The following CACNA1D variants were observed in gnomAD, a reference collection of about 807,000 sequenced individuals.
CACNA1D encodes the protein voltage-dependent L-type calcium channel subunit alpha-1D.
A neutral mutation model predicts 257.1 loss-of-function variants in CACNA1D; 55 were observed. The ratio of observed to expected loss-of-function variants is 0.21; its 90% CI spans 0.17 to 0.27. CACNA1D has a LOEUF of 0.27. Among genes scored for constraint, CACNA1D ranks in the 10% least tolerant of loss-of-function variants. CACNA1D has a pLI of 1.00. For synonymous variants in CACNA1D, 980 were observed against 1,014.9 expected (o/e 0.97, Z 0.65); for missense variants, 1,876 against 2,784.0 (o/e 0.67, Z 7.34).
At chr3:53,801,652 T>A (rs1189712010) in intron 42 of CACNA1D, among the ~76,000 whole-genome samples, 3 of 152,134 alleles carry the variant, frequency 2.0e-5, no homozygotes. Context: ...ACATCCTGTG[T>A]GGGGTGCCGA....
chr3:53,751,944 C>T lies in CACNA1D; in HGVS notation c.3675+37C>T. The T allele has an allele frequency of 3.1e-6, 5 of 1,602,330 alleles. No homozygotes were observed. Among genetic ancestry groups the T allele is most frequent in the Non-Finnish European group, 4.3e-6 (5 of 1,169,450 alleles). Reference sequence around the variant, plus strand: ...GACAGCCGTGGGGATCAGGTCCGGGCATTCCGCACAGCCCCGTGCCCCAAA... The same window carrying T: ...GACAGCCGTGGGGATCAGGTCCGGGTATTCCGCACAGCCCCGTGCCCCAAA... On this transcript the variant is annotated intron_variant, in intron 28 of 47. Transcript: ENST00000350061. The surrounding 1 kb of genome is among the most constrained non-coding windows in gnomAD (Gnocchi z 4.3).
chr3:53,626,271 G>T (rs188427089), intron 3 of CACNA1D, among the ~76,000 whole-genome samples: 1 of 152,296 alleles, frequency 6.6e-6, no homozygotes, highest in Admixed American at 6.5e-5. Flanking sequence ...AGAAAAGCCT[G>T]CTCTAAAGTC....
chr3:53,556,441 T>C (rs552589007), intron 3 of CACNA1D, among the ~76,000 whole-genome samples: 13 of 152,350 alleles, frequency 8.5e-5, no homozygotes, highest in Admixed American at 7.8e-4. Context: ...TTAGCTTCTG[T>C]AATAGGTGCG....
intron 3 of CACNA1D, among the ~76,000 whole-genome samples, chr3:53,571,898 T>G (rs564956145): frequency 6.6e-6 from 1 of 152,106 alleles, no homozygotes; most frequent in Non-Finnish European, 1.5e-5. Context: ...GCTTGACAAA[T>G]CCTCTCTAAA....
intron 16 of CACNA1D, 85 bp from the exon 17 acceptor site, chr3:53,730,992 A>G (rs1320390398): frequency 2.4e-6 from 2 of 828,100 alleles, no homozygotes; most frequent in Non-Finnish European, 4.1e-6. Context: ...TCATTGGAGC[A>G]TTATTGATTC....
intron 3 of CACNA1D, among the ~76,000 whole-genome samples, chr3:53,566,267 C>T (rs912700875): frequency 6.6e-6 from 1 of 152,090 alleles, no homozygotes; most frequent in Admixed American, 6.5e-5. Context: ...TACTGACATC[C>T]CCCTTCTCTC....
At chr3:53,650,515 T>A (rs916543505) in intron 3 of CACNA1D, among the ~76,000 whole-genome samples, 1 of 152,238 alleles carries the variant, frequency 6.6e-6, no homozygotes, top group Non-Finnish European at 1.5e-5. Flanking sequence ...ATCACACGCA[T>A]TGGGGCAGTT....
intron 3 of CACNA1D, among the ~76,000 whole-genome samples, chr3:53,567,118 A>G (rs2092857373): frequency 6.6e-6 from 1 of 152,172 alleles, no homozygotes; most frequent in Non-Finnish European, 1.5e-5. Flanking sequence ...TCTTGGTGAG[A>G]AAAGGGACCA....
chr3:53,649,912 G>A (rs1395787207), intron 3 of CACNA1D, among the ~76,000 whole-genome samples: 1 of 152,204 alleles, frequency 6.6e-6, no homozygotes, highest in Non-Finnish European at 1.5e-5. Context: ...AAAGAGGAAG[G>A]AGTCAAAGTT....
intron 8 of CACNA1D, among the ~76,000 whole-genome samples, chr3:53,695,117 T>A (rs1243402401): frequency 6.6e-6 from 1 of 152,164 alleles, no homozygotes; most frequent in Non-Finnish European, 1.5e-5. Flanking sequence ...GCCAGGCTGT[T>A]GCCCAGGGAA....
intron 30 of CACNA1D, among the ~76,000 whole-genome samples, chr3:53,767,218 C>G (rs2095338087): frequency 1.3e-5 from 2 of 152,284 alleles, no homozygotes; most frequent in East Asian, 1.9e-4. Flanking sequence ...TGGCCCAGGA[C>G]TGGAGTTCTC....
At chr3:53,559,127 A>G (rs551351283) in intron 3 of CACNA1D, among the ~76,000 whole-genome samples, 1 of 152,172 alleles carries the variant, frequency 6.6e-6, no homozygotes, top group South Asian at 2.1e-4. Flanking sequence ...TTCACTCACT[A>G]TTCCTGCTAT....
Position 53,673,569 on chromosome 3 carries a change from A to G in CACNA1D, c.1220+443A>G. 1.5e-6 allele frequency: 1 copy of G among 675,688 alleles called. No individual in the cohort carries two copies. The highest frequency in any genetic ancestry group is 1.7e-5 in the South Asian group (1 of 59,250). The allele number at this position is 675,688 out of a possible 1,614,324, so 41.9% of individuals were successfully genotyped here. ...AGCTTGTCCTTATTTGCAGAAAAAA[A>G]AAAAAAAAGGGAAGGACCTAGGCCC... On this transcript the variant is annotated intron_variant, in intron 8 of 47. Transcript: ENST00000350061. This position sits in a 1 kb window ranked among gnomAD's most constrained non-coding sequence, Gnocchi z 4.1.
rs1261552282 is a variant in CACNA1D at position 53,812,318 on chromosome 3, TC to T, written c.*914del. ...ATTATTAGTATTTTTACTCGGGCTA[TC>T]CAGAAGTAGAAGAAATAGAGCCAAT... On this transcript the variant is annotated 3_prime_UTR_variant, in exon 48 of 48. Coordinates refer to ENST00000350061, the MANE Select transcript of CACNA1D (RefSeq NM_001128840.3). The T allele has an allele frequency of 6.6e-6, 1 of 152,208 alleles. No individual in the cohort carries two copies. The highest frequency in any genetic ancestry group is 1.5e-5 in the Non-Finnish European group (1 of 68,036). 9.4% of individuals were successfully genotyped at this position (152,208 alleles called of 1,614,324 possible).
At chr3:53,511,384 G>A (rs1366331310) in intron 3 of CACNA1D, among the ~76,000 whole-genome samples, 1 of 152,114 alleles carries the variant, frequency 6.6e-6, no homozygotes, top group East Asian at 1.9e-4. Flanking sequence ...TGACACACAG[G>A]GTTTTTATCC....
At chr3:53,759,758 G>C (rs1316457625) in intron 29 of CACNA1D, among the ~76,000 whole-genome samples, 1 of 152,232 alleles carries the variant, frequency 6.6e-6, no homozygotes, top group African/African-American at 2.4e-5. Flanking sequence ...CTAACACTAA[G>C]CACATTGATT....
intron 3 of CACNA1D, among the ~76,000 whole-genome samples, chr3:53,518,116 C>T (rs1019530256): frequency 2.6e-5 from 4 of 152,240 alleles, no homozygotes; most frequent in Non-Finnish European, 5.9e-5. Flanking sequence ...TTTCTCTGCA[C>T]TGTGGCTTTG....
At chr3:53,750,032 G>T (rs2095212185) in intron 27 of CACNA1D, among the ~76,000 whole-genome samples, 2 of 152,198 alleles carry the variant, frequency 1.3e-5, no homozygotes, top group Non-Finnish European at 1.5e-5. Flanking sequence ...GGGCAAAGCT[G>T]CCCCTTGTTG....
chr3:53,710,262 G>C (rs2094736699), intron 9 of CACNA1D: 1 of 390,482 alleles, frequency 2.6e-6, no homozygotes, highest in African/African-American at 2.1e-5. Flanking sequence ...CCTAGCAGGA[G>C]GGGTCTGGGG....
Sources: gnomAD v4.1 joint callset for allele counts (sites outside exome capture counted in the v4.1 genomes callset) on GRCh38, gnomAD v4.1.1 for gene constraint, Gnocchi (gnomAD v3.1) non-coding constraint, MANE v1.5 for transcripts, NCBI Gene and HGNC (gene_info 2026-07-23, HGNC 2026-07-21) for gene names.